IQCB1: variants seen among roughly 807,000 people sequenced by gnomAD.
IQCB1 encodes the protein IQ calmodulin-binding motif-containing protein 1.
A neutral mutation model predicts 84.4 loss-of-function variants in IQCB1; 56 were observed. The observed-to-expected ratio is 0.66, with a 90% CI of 0.54 to 0.83. IQCB1 has a LOEUF of 0.83. Ranked by LOEUF, IQCB1 falls within the 40% of genes least tolerant of loss-of-function variation. The pLI, the probability that IQCB1 is intolerant of heterozygous loss-of-function variation, is 0.00. For synonymous variants in IQCB1, 210 were observed against 234.8 expected (o/e 0.89, Z 0.96); for missense variants, 629 against 682.1 (o/e 0.92, Z 0.87).
intron 13 of IQCB1, among the ~76,000 whole-genome samples, chr3:121,779,621 C>G (rs1948388706): frequency 6.6e-6 from 1 of 152,022 alleles, no homozygotes; most frequent in Non-Finnish European, 1.5e-5. Flanking sequence ...GACTGAATAT[C>G]CTCCTCATTA....
chr3:121,832,327 ATT>A lies in IQCB1; in HGVS notation c.-13+2062_-13+2063del, dbSNP rs66929099. Among the ~76,000 whole-genome samples the A allele has an allele frequency of 4.1e-3, 552 of 135,586 alleles. 2 individuals are homozygous for A. Among genetic ancestry groups the A allele is most frequent in the African/African-American group, 0.013 (476 of 36,246 alleles). The allele number at this position is 135,586 out of a possible 152,430, so 88.9% of individuals were successfully genotyped here. ...ATGGGGTCTTTACCATAATTTTACAATTTTTTTTTTTTTTTTTGAGAGAGAGT... is the reference window on the plus strand; with the variant it reads ...ATGGGGTCTTTACCATAATTTTACAATTTTTTTTTTTTTTTGAGAGAGAGT... On this transcript the variant is annotated intron_variant, in intron 2 of 14. Coordinates refer to ENST00000310864, the MANE Select transcript of IQCB1 (RefSeq NM_001023570.4).
At chr3:121,782,903 T>C (rs1302971728) in intron 12 of IQCB1, among the ~76,000 whole-genome samples, 3 of 152,152 alleles carry the variant, frequency 2.0e-5, no homozygotes, top group East Asian at 1.9e-4. Context: ...CTGTGATCTC[T>C]TGACCTTGTG....
In IQCB1 at chr3:121,799,185, G is replaced by A. The variant is rs760295938; in HGVS notation, c.766+11C>T. 1.9e-6 allele frequency: 3 copies of A among 1,592,116 alleles called. No individual in the cohort carries two copies. The highest frequency in any genetic ancestry group is 2.6e-6 in the Non-Finnish European group (3 of 1,163,844). ...TGAGAATCCCAAGAAAAGAAAGAAT[G>A]AATGTACTACCTTTGTAGCAGGTAC... On this transcript the variant is annotated intron_variant, in intron 8 of 14. Transcript: ENST00000310864.
chr3:121,798,659 A>G (rs1029660068), intron 8 of IQCB1, among the ~76,000 whole-genome samples: 14 of 151,986 alleles, frequency 9.2e-5, no homozygotes, highest in Non-Finnish European at 1.9e-4. Context: ...GCTCAATTAA[A>G]TGAAAGCTAT....
At chr3:121,828,655 A>G in intron 3 of IQCB1, 23 bp from the exon 4 acceptor site, 1 of 1,542,656 alleles carries the variant, frequency 6.5e-7, no homozygotes, top group African/African-American at 1.4e-5. Context: ...GAAATAAGAT[A>G]TATTTATTTT....
At chr3:121,792,590 A>G (rs1286663851) in intron 10 of IQCB1, among the ~76,000 whole-genome samples, 1 of 124,280 alleles carries the variant, frequency 8.0e-6, no homozygotes, top group East Asian at 2.4e-4. Flanking sequence ...TGAACCCGGG[A>G]GGCGGAGCTT....
intron 8 of IQCB1, 80 bp downstream of exon 8, chr3:121,799,116 T>A: frequency 9.7e-7 from 1 of 1,030,352 alleles, no homozygotes; most frequent in South Asian, 1.4e-5. Context: ...CTTTAAAATA[T>A]AAGAATTTTG....
Position 121,770,168 on chromosome 3 carries a change from GA to G in IQCB1, c.*176del, listed in dbSNP as rs936285461. The G allele has an allele frequency of 1.7e-6, 1 of 595,388 alleles. No homozygotes were observed. The highest frequency in any genetic ancestry group is 3.0e-6 in the Non-Finnish European group (1 of 335,512). 36.9% of individuals were successfully genotyped at this position (595,388 alleles called of 1,614,324 possible). Reference sequence around the variant, plus strand: ...GCTAACGATGAGGATACAGAGAAAAGAAAAAGAAAATTGAGAGAGAGGTAGA... The same window carrying G: ...GCTAACGATGAGGATACAGAGAAAAGAAAAGAAAATTGAGAGAGAGGTAGA... On this transcript the variant is annotated 3_prime_UTR_variant, in exon 15 of 15. Coordinates refer to ENST00000310864, the MANE Select transcript of IQCB1 (RefSeq NM_001023570.4).
chr3:121,781,551 TC>T (rs1370643569), intron 13 of IQCB1, among the ~76,000 whole-genome samples, 191 bp downstream of exon 13: 1 of 152,098 alleles, frequency 6.6e-6, no homozygotes, highest in East Asian at 1.9e-4. Flanking sequence ...TGACTATACC[TC>T]TATGGCTATG....
At chr3:121,795,118 G>C (rs1463401599) in intron 10 of IQCB1, among the ~76,000 whole-genome samples, 1 of 152,064 alleles carries the variant, frequency 6.6e-6, no homozygotes, top group Admixed American at 6.6e-5. Context: ...ACGCATACAT[G>C]TTATTGTTAT....
intron 5 of IQCB1, among the ~76,000 whole-genome samples, chr3:121,824,930 C>T (rs1950409333): frequency 6.6e-6 from 1 of 152,170 alleles, no homozygotes; most frequent in Non-Finnish European, 1.5e-5. Context: ...TTTGGGTATA[C>T]AAGTAGTCCT....
At chr3:121,829,010 G>T in intron 2 of IQCB1, 38 bp from the exon 3 acceptor site, 3 of 1,099,450 alleles carry the variant, frequency 2.7e-6, no homozygotes, top group Non-Finnish European at 4.2e-6. Flanking sequence ...AGGTCAAAAA[G>T]CCAGGAAATG....
chr3:121,781,565 A>G (rs1417347375), intron 13 of IQCB1, among the ~76,000 whole-genome samples, 178 bp downstream of exon 13: 1 of 151,932 alleles, frequency 6.6e-6, no homozygotes, highest in Non-Finnish European at 1.5e-5. Context: ...TGGCTATGTA[A>G]CTAGAAAAAG....
intron 11 of IQCB1, among the ~76,000 whole-genome samples, chr3:121,789,690 A>T (rs1326928456): frequency 6.6e-6 from 1 of 152,250 alleles, no homozygotes; most frequent in Non-Finnish European, 1.5e-5. Flanking sequence ...GGCGGCAAGA[A>T]GATGTCACAA....
At chr3:121,826,023 A>G in intron 5 of IQCB1, 28 bp downstream of exon 5, 1 of 1,590,700 alleles carries the variant, frequency 6.3e-7, no homozygotes, top group Non-Finnish European at 8.6e-7. Context: ...AAACTGATTT[A>G]GCTACAAAAG....
intron 5 of IQCB1, among the ~76,000 whole-genome samples, chr3:121,810,609 AG>A (rs1430505208): frequency 6.6e-6 from 1 of 151,842 alleles, no homozygotes; most frequent in Non-Finnish European, 1.5e-5. Context: ...ATAATATATA[AG>A]GAAAAAGAAT....
At chr3:121,831,897 T>C (rs1249871124) in intron 2 of IQCB1, among the ~76,000 whole-genome samples, 1 of 152,238 alleles carries the variant, frequency 6.6e-6, no homozygotes, top group Non-Finnish European at 1.5e-5. Flanking sequence ...CATATAGTTA[T>C]CTCATTCTCT....
intron 8 of IQCB1, among the ~76,000 whole-genome samples, chr3:121,797,545 TA>T (rs1305357324): frequency 4.7e-5 from 7 of 149,378 alleles, no homozygotes; most frequent in Non-Finnish European, 1.0e-4. Context: ...AAAGTAGAGA[TA>T]AATTTTTTTT....
At chr3:121,832,645 T>A (rs112604702) in intron 2 of IQCB1, among the ~76,000 whole-genome samples, 1 of 152,178 alleles carries the variant, frequency 6.6e-6, no homozygotes, top group Non-Finnish European at 1.5e-5. Context: ...AATTTTTACA[T>A]ATGAAATATA....
Sources: allele counts gnomAD v4.1 joint callset (sites outside exome capture counted in the v4.1 genomes callset), GRCh38; gene constraint gnomAD v4.1.1; transcripts MANE v1.5; gene names NCBI Gene and HGNC (gene_info 2026-07-23, HGNC 2026-07-21).